N4BP2L2: variants seen among roughly 807,000 people sequenced by gnomAD.
N4BP2L2 encodes NEDD4-binding protein 2-like 2.
In N4BP2L2, 50 loss-of-function variants were observed where a neutral mutation model predicts 56.2. The ratio of observed to expected loss-of-function variants is 0.89; its 90% CI spans 0.71 to 1.13. The LOEUF is 1.13. Among genes scored for constraint, N4BP2L2 ranks in the 50% most tolerant of loss-of-function variants. The probability of loss-of-function intolerance (pLI) is 0.00; values close to 1 mark genes in which losing one functional copy is unlikely to be tolerated. For missense variants in N4BP2L2, 689 were observed against 693.8 expected (o/e 0.99, Z 0.08); for synonymous variants, 203 against 223.6 (o/e 0.91, Z 0.82).
At chr13:32,437,996 T>A (rs995743577) in intron 8 of N4BP2L2, among the ~76,000 whole-genome samples, 1 of 152,228 alleles carries the variant, frequency 6.6e-6, no homozygotes, top group Non-Finnish European at 1.5e-5. Flanking sequence ...ATTTAAAAAA[T>A]TTTATTGACA....
intron 4 of N4BP2L2, 39 bp from the exon 5 acceptor site, chr13:32,521,488 G>A: frequency 7.1e-7 from 1 of 1,400,042 alleles, no homozygotes; most frequent in Non-Finnish European, 9.9e-7. Flanking sequence ...ACCCAGAGAA[G>A]TACTTCTTAA....
chr13:32,477,918 C>T, intron 6 of N4BP2L2: 2 of 1,289,364 alleles, frequency 1.6e-6, no homozygotes, highest in Non-Finnish European at 2.0e-6. Context: ...AGAAAGTGAT[C>T]AATGTGTCAG....
intron 6 of N4BP2L2, among the ~76,000 whole-genome samples, chr13:32,485,830 A>C (rs545936790): frequency 5.9e-5 from 9 of 152,354 alleles, no homozygotes; most frequent in Admixed American, 5.9e-4. Flanking sequence ...GCACTTTGGG[A>C]GGCCAAGGTG....
chr13:32,440,427 T>A (rs1045491733), intron 7 of N4BP2L2, among the ~76,000 whole-genome samples: 15 of 152,326 alleles, frequency 9.8e-5, no homozygotes, highest in African/African-American at 3.4e-4. Flanking sequence ...AAAGCTGGGA[T>A]AAATATCATA....
At chr13:32,443,099 C>T in exon 7 of N4BP2L2, 1 of 1,609,378 alleles carries the variant, frequency 6.2e-7, no homozygotes, top group Non-Finnish European at 8.5e-7. Context: ...TTTGTTGATT[C>T]TAAGGCATTC....
intron 6 of N4BP2L2, among the ~76,000 whole-genome samples, chr13:32,495,674 G>A (rs370850463): frequency 7.2e-5 from 11 of 152,096 alleles, no homozygotes; most frequent in African/African-American, 2.6e-4. Flanking sequence ...ACCTCATCAG[G>A]CAAATGCCCG....
downstream of N4BP2L2, chr13:32,506,613 T>C (rs759772346): frequency 2.6e-5 from 4 of 152,152 alleles, no homozygotes; most frequent in African/African-American, 7.2e-5. Context: ...TAAGATGTAT[T>C]TGGGACCTCA....
In N4BP2L2 at chr13:32,526,818, G is replaced by GTTTTTTTTTTTTT. The variant is rs35925361; in HGVS notation, c.1384+577_1384+589dup. On this transcript the variant is annotated intron_variant, in intron 3 of 5. Transcript: ENST00000267068. ...CTGAGGCCAGGCACACTTTTTGTCT[G>GTTTTTTTTTTTTT]TTTTTTTTTTTTTTTTTTTTTTTTT... 67 of 24,248 alleles carry GTTTTTTTTTTTTT rather than the reference G, an allele frequency of 2.8e-3. 17 individuals carry two copies. Among genetic ancestry groups the GTTTTTTTTTTTTT allele is most frequent in the South Asian group, 4.2e-3 (2 of 478 alleles). The allele number at this position is 24,248 out of a possible 1,614,324, so 1.5% of individuals were successfully genotyped here.
chr13:32,473,969 A>C (rs538458575), intron 6 of N4BP2L2, among the ~76,000 whole-genome samples: 10 of 152,340 alleles, frequency 6.6e-5, no homozygotes, highest in African/African-American at 2.4e-4. Flanking sequence ...GTACAGGGGA[A>C]GCATTATTCT....
chr13:32,534,722 G>A (rs560709571), intron 2 of N4BP2L2, among the ~76,000 whole-genome samples: 1 of 152,128 alleles, frequency 6.6e-6, no homozygotes, highest in Non-Finnish European at 1.5e-5. Context: ...TTTAGGTTTA[G>A]ATTGTCTTGT....
chr13:32,526,042 A>T (rs891695583), intron 3 of N4BP2L2, among the ~76,000 whole-genome samples: 7 of 151,994 alleles, frequency 4.6e-5, no homozygotes, highest in Admixed American at 2.6e-4. Context: ...AAAAAAAAAA[A>T]AAAAAATGTT....
At chr13:32,506,532 A>G (rs1246422130), downstream of N4BP2L2, 1 of 152,198 alleles carries the variant, frequency 6.6e-6, no homozygotes, top group Non-Finnish European at 1.5e-5. Context: ...AAACAGGTGT[A>G]ATACCTGACT....
At chr13:32,445,606 C>A (rs2076938513) in intron 6 of N4BP2L2, among the ~76,000 whole-genome samples, 1 of 152,188 alleles carries the variant, frequency 6.6e-6, no homozygotes, top group Non-Finnish European at 1.5e-5. Context: ...TAACCAGAGA[C>A]TACACTACTA....
chr13:32,509,598 G>C (rs1312716463), downstream of N4BP2L2, among the ~76,000 whole-genome samples: 1 of 152,092 alleles, frequency 6.6e-6, no homozygotes, highest in Non-Finnish European at 1.5e-5. Context: ...TTTTCAAAAT[G>C]TCTAGCCCAT....
At chr13:32,503,348 T>C (rs1042434217) in intron 6 of N4BP2L2, among the ~76,000 whole-genome samples, 2 of 152,072 alleles carry the variant, frequency 1.3e-5, no homozygotes, top group Admixed American at 6.6e-5. Context: ...CAAATCAAGC[T>C]TTTTTTAGGT....
chr13:32,521,787 C>T, intron 4 of N4BP2L2: 1 of 264,208 alleles, frequency 3.8e-6, no homozygotes, highest in South Asian at 5.4e-5. Flanking sequence ...ACCAGCCTGG[C>T]CAACATGGTG....
intron 1 of N4BP2L2, among the ~76,000 whole-genome samples, chr13:32,537,340 C>G (rs779760248): frequency 6.6e-6 from 1 of 151,826 alleles, no homozygotes; most frequent in African/African-American, 2.4e-5. Flanking sequence ...TTAAGTATGT[C>G]TGTAAAGTTG....
At chr13:32,445,912 T>C (rs2076983994) in intron 6 of N4BP2L2, among the ~76,000 whole-genome samples, 1 of 151,514 alleles carries the variant, frequency 6.6e-6, no homozygotes, top group African/African-American at 2.4e-5. Flanking sequence ...TCTTTCACCC[T>C]GGATAATCAG....
At chr13:32,538,250 G>C (rs1413150935) in intron 1 of N4BP2L2, among the ~76,000 whole-genome samples, 1 of 152,108 alleles carries the variant, frequency 6.6e-6, no homozygotes, top group Non-Finnish European at 1.5e-5. Flanking sequence ...GCTGGAGGAA[G>C]ACAACTGCGG....
Sources: gnomAD v4.1 joint callset for allele counts (sites outside exome capture counted in the v4.1 genomes callset) on GRCh38, gnomAD v4.1.1 for gene constraint, MANE v1.5 for transcripts, NCBI Gene and HGNC (gene_info 2026-07-23, HGNC 2026-07-21) for gene names.